Variants in LGR5 observed in about 807,000 individuals in gnomAD.
LGR5 encodes leucine rich repeat containing G protein-coupled receptor 5.
In LGR5, 54 loss-of-function variants were observed where a neutral mutation model predicts 76.7. The ratio of observed to expected loss-of-function variants is 0.70; its 90% confidence interval spans 0.57 to 0.88. LGR5 has a LOEUF of 0.88. Ranked by LOEUF, LGR5 falls within the 40% of genes least tolerant of loss-of-function variation. The probability of loss-of-function intolerance (pLI) is 0.00; values close to 1 mark genes in which losing one functional copy is unlikely to be tolerated. For missense variants in LGR5, 1,078 were observed against 1,073.3 expected, an observed-to-expected ratio of 1.00 and a Z score of -0.06; for synonymous variants, 406 against 421.9, an observed-to-expected ratio of 0.96 and a Z score of 0.46.
At chr12:71,567,280 A>C in intron 11 of LGR5, 2 of 212,760 alleles carry the variant, frequency 9.4e-6, no homozygotes, top group Non-Finnish European at 1.9e-5. Context: ...CAAAATCAAA[A>C]ACTGAGATCT....
chr12:71,441,287 C>T (rs977647695), intron 1 of LGR5, among the ~76,000 whole-genome samples: 33 of 152,196 alleles, frequency 2.2e-4, no homozygotes, highest in African/African-American at 8.0e-4. Context: ...CGACTACTCT[C>T]TCCACCCCCG....
chr12:71,448,139 G>A (rs562426866), intron 1 of LGR5, among the ~76,000 whole-genome samples: 14 of 149,906 alleles, frequency 9.3e-5, no homozygotes, highest in East Asian at 1.9e-4. Flanking sequence ...CCTTACATGC[G>A]TGCCTTCTTT....
At chr12:71,449,555 C>T (rs990286943) in intron 1 of LGR5, among the ~76,000 whole-genome samples, 2 of 152,174 alleles carry the variant, frequency 1.3e-5, no homozygotes, top group African/African-American at 4.8e-5. Flanking sequence ...CACCTTCCAC[C>T]TCCCAGCTGC....
intron 5 of LGR5, among the ~76,000 whole-genome samples, chr12:71,554,553 G>A (rs1442807351): frequency 6.6e-6 from 1 of 152,194 alleles, no homozygotes; most frequent in African/African-American, 2.4e-5. Context: ...CAAGGAGGGA[G>A]TTTGTTTCAG....
intron 2 of LGR5, among the ~76,000 whole-genome samples, chr12:71,506,600 T>C (rs1293992198): frequency 6.6e-6 from 1 of 152,152 alleles, no homozygotes; most frequent in East Asian, 1.9e-4. Flanking sequence ...TCATCAAATA[T>C]CTTGACCATA....
intron 1 of LGR5, among the ~76,000 whole-genome samples, chr12:71,482,533 A>C (rs1164207974): frequency 7.6e-6 from 1 of 132,006 alleles, no homozygotes; most frequent in Non-Finnish European, 1.7e-5. Flanking sequence ...CACTATCTAC[A>C]AAAAAAAAAG....
chr12:71,439,923 GC>G lies in LGR5; in HGVS notation c.-156del. The G allele has an allele frequency of 1.6e-6, 1 of 627,890 alleles. No homozygotes were observed. Among genetic ancestry groups the G allele is most frequent in the Non-Finnish European group, 2.6e-6 (1 of 383,076 alleles). The allele number at this position is 627,890 out of a possible 1,614,324, so 38.9% of individuals were successfully genotyped here. Reference sequence around the variant, plus strand: ...CTCTGTCCCCGCCGCGCTTCTCCTCGCCGCCCACGCCGTGGGGTCAGGAACG... The same window carrying G: ...CTCTGTCCCCGCCGCGCTTCTCCTCGCGCCCACGCCGTGGGGTCAGGAACG... On this transcript the variant is annotated 5_prime_UTR_variant, in exon 1 of 18. Transcript: ENST00000266674.
At chr12:71,579,937 T>C (rs1167175731) in intron 15 of LGR5, among the ~76,000 whole-genome samples, 1 of 152,236 alleles carries the variant, frequency 6.6e-6, no homozygotes, top group Admixed American at 6.5e-5. Context: ...TATGTCATAT[T>C]GTAGTCACTT....
chr12:71,440,154 C>G lies in LGR5; in HGVS notation c.74C>G (p.Pro25Arg), dbSNP rs751732638. Residue 25 changes from proline (P) to arginine (R), a missense_variant, in exon 1 of 18, where the codon CCC becomes CGC. Physicochemically the swap from Pro to Arg is moderately radical, Grantham distance 103. Coordinates refer to ENST00000266674, the MANE Select transcript of LGR5 (RefSeq NM_003667.4). The surrounding 1 kb of genome is among the most constrained non-coding windows in gnomAD (Gnocchi z 5.3). ...CAGCTGGCGACCGGGGGCAGCTCTCCCAGGTCTGGTGTGTTGCTGAGGGGC... is the reference window on the plus strand; with the variant it reads ...CAGCTGGCGACCGGGGGCAGCTCTCGCAGGTCTGGTGTGTTGCTGAGGGGC... ...LLQLATGGSS[P>R]RSGVLLRGCP... The G allele has an allele frequency of 6.2e-7, 1 of 1,610,930 alleles. No homozygotes were observed. The highest frequency in any genetic ancestry group is 8.5e-7 in the Non-Finnish European group (1 of 1,179,770).
intron 3 of LGR5, among the ~76,000 whole-genome samples, chr12:71,526,871 A>G (rs563023033): frequency 3.5e-4 from 54 of 152,134 alleles, no homozygotes; most frequent in Non-Finnish European, 5.6e-4. Context: ...AAGATGGCCG[A>G]CTGAGGGGAC....
At chr12:71,474,028 G>A (rs143398818) in intron 1 of LGR5, among the ~76,000 whole-genome samples, 1 of 152,048 alleles carries the variant, frequency 6.6e-6, no homozygotes, top group Non-Finnish European at 1.5e-5. Context: ...TCAAAAATGA[G>A]CCCTGGGATC....
Position 71,440,140 on chromosome 12 carries a change from C to G in LGR5, c.60C>G (p.Thr20=), listed in dbSNP as rs768296709. Residue 20 remains threonine, a synonymous_variant, in exon 1 of 18, where the codon ACC becomes ACG. Transcript: ENST00000266674. This position sits in a 1 kb window ranked among gnomAD's most constrained non-coding sequence, Gnocchi z 5.3. ...LSLPVLLQLA[T]GGSSPRSGVL... is the part of the protein sequence containing the mutation. ...TGCCTGTGCTGCTGCAGCTGGCGACCGGGGGCAGCTCTCCCAGGTCTGGTG... is the reference window on the plus strand; with the variant it reads ...TGCCTGTGCTGCTGCAGCTGGCGACGGGGGGCAGCTCTCCCAGGTCTGGTG... 6.2e-7 allele frequency: 1 copy of G among 1,609,636 alleles called. No individual in the cohort carries two copies. The highest frequency in any genetic ancestry group is 8.5e-7 in the Non-Finnish European group (1 of 1,179,756).
intron 1 of LGR5, among the ~76,000 whole-genome samples, chr12:71,472,512 A>C (rs746801750): frequency 2.5e-4 from 38 of 152,198 alleles, no homozygotes; most frequent in Non-Finnish European, 5.0e-4. Context: ...AAATCACTCC[A>C]AGGGAGAGCT....
chr12:71,562,164 CAA>C (rs1878093373), intron 8 of LGR5, among the ~76,000 whole-genome samples: 1 of 152,100 alleles, frequency 6.6e-6, no homozygotes, highest in South Asian at 2.1e-4. Flanking sequence ...GCATTAATGT[CAA>C]GTCTGCATAG....
At chr12:71,561,206 C>T (rs913378768) in intron 7 of LGR5, among the ~76,000 whole-genome samples, 1 of 152,152 alleles carries the variant, frequency 6.6e-6, no homozygotes, top group Non-Finnish European at 1.5e-5. Context: ...TCACCTCATA[C>T]AGCCACAGGC....
chr12:71,555,573 G>A lies in LGR5; in HGVS notation c.645-1046G>A, dbSNP rs903259036. On this transcript the variant is annotated intron_variant, in intron 5 of 17. Transcript: ENST00000266674. ...TTGTTTCCTGTTGACCTGTGCTCCC[G>A]CCCTGGGAAGGTAGCCATTATAGGC... Among the ~76,000 whole-genome samples, 5 of 152,126 alleles carry A rather than the reference G, an allele frequency of 3.3e-5. No individual in the cohort carries two copies. In the South Asian group the frequency reaches 6.2e-4, roughly 19 times the overall value.
At chr12:71,498,577 T>C (rs529396143) in intron 1 of LGR5, among the ~76,000 whole-genome samples, 45 of 152,282 alleles carry the variant, frequency 3.0e-4, no homozygotes, top group South Asian at 8.3e-4. Flanking sequence ...CATGTCTCTT[T>C]TTGTAAGGAC....
rs1283145849 is a variant in LGR5, at chr12:71,525,687, A to G, written c.356+1210A>G. The stretch of plus-strand genomic sequence containing the variant: ...TTACTAGAATCAAGTATTTTAATTC[A>G]CTTAACAAAGTGTATATTGGATATA... On this transcript the variant is annotated intron_variant, in intron 3 of 17. Coordinates refer to ENST00000266674, the MANE Select transcript of LGR5 (RefSeq NM_003667.4). Among the ~76,000 whole-genome samples the G allele has an allele frequency of 2.6e-5, 4 of 151,782 alleles. No homozygotes were observed. The East Asian group carries it at 7.7e-4, about 29-fold the overall frequency.
chr12:71,472,895 A>G (rs1337845808), intron 1 of LGR5, among the ~76,000 whole-genome samples: 1 of 152,212 alleles, frequency 6.6e-6, no homozygotes, highest in East Asian at 1.9e-4. Flanking sequence ...TATAAAGCAC[A>G]TTCTATGATC....
Sources: allele counts gnomAD v4.1 joint callset (sites outside exome capture counted in the v4.1 genomes callset), GRCh38; gene constraint gnomAD v4.1.1; non-coding constraint Gnocchi (gnomAD v3.1); transcripts MANE v1.5; gene names NCBI Gene and HGNC (gene_info 2026-07-23, HGNC 2026-07-21).